FAM110B: variants seen among roughly 807,000 people sequenced by gnomAD.
The protein encoded by FAM110B is family with sequence similarity 110 member B.
In FAM110B, 6 loss-of-function variants were observed where a neutral mutation model predicts 20.4. That is an observed-to-expected ratio of 0.29 (90% CI 0.16 to 0.58). The LOEUF (loss-of-function observed/expected upper bound fraction) is 0.58, where lower values mean the gene tolerates loss of function less well. FAM110B is among the 20% of genes least tolerant of loss of function. The pLI is 0.90. For missense variants in FAM110B, 434 were observed against 498.2 expected, an observed-to-expected ratio of 0.87 and a Z score of 1.23; for synonymous variants, 226 against 214.1, an observed-to-expected ratio of 1.06 and a Z score of -0.49.
At chr8:58,135,682 C>T (rs180764927) in intron 3 of FAM110B, among the ~76,000 whole-genome samples, 4 of 152,238 alleles carry the variant, frequency 2.6e-5, no homozygotes, top group Admixed American at 6.5e-5. Context: ...ATGCAAAGTG[C>T]GGACCCTTAA....
chr8:58,064,795 A>G (rs1467064945), intron 2 of FAM110B, among the ~76,000 whole-genome samples: 2 of 152,228 alleles, frequency 1.3e-5, no homozygotes, highest in African/African-American at 4.8e-5. Context: ...GTAGTTTACA[A>G]AAGGTTACCA....
intron 3 of FAM110B, among the ~76,000 whole-genome samples, chr8:58,129,444 T>C (rs1222725354): frequency 6.6e-6 from 1 of 152,340 alleles, no homozygotes. Context: ...CACCTCTCGA[T>C]AACATTAGAA....
intron 3 of FAM110B, among the ~76,000 whole-genome samples, chr8:58,088,690 G>C (rs369928743): frequency 6.6e-6 from 1 of 152,154 alleles, no homozygotes; most frequent in Non-Finnish European, 1.5e-5. Context: ...TTCATCTTGG[G>C]TTCAGCAGTG....
intron 1 of FAM110B, among the ~76,000 whole-genome samples, chr8:58,000,280 G>T (rs1045888718): frequency 6.6e-6 from 1 of 152,126 alleles, no homozygotes; most frequent in Non-Finnish European, 1.5e-5. Context: ...GAGTATAGGG[G>T]AAGCTGCCAG....
chr8:58,052,106 A>C (rs1349842067), intron 2 of FAM110B, among the ~76,000 whole-genome samples: 2 of 152,242 alleles, frequency 1.3e-5, no homozygotes, highest in Non-Finnish European at 1.5e-5. Context: ...ATAAAAAATC[A>C]AAACATGGGA....
chr8:58,114,103 A>G (rs1225451272), intron 3 of FAM110B, among the ~76,000 whole-genome samples: 1 of 152,150 alleles, frequency 6.6e-6, no homozygotes, highest in Non-Finnish European at 1.5e-5. Context: ...AAGAGAAAGA[A>G]CAATCACTCA....
chr8:58,132,212 T>C (rs1249935357), intron 3 of FAM110B, among the ~76,000 whole-genome samples: 4 of 152,110 alleles, frequency 2.6e-5, no homozygotes, highest in Non-Finnish European at 5.9e-5. Flanking sequence ...AGTTTTCACA[T>C]CATCTTCCTG....
At chr8:58,042,322 C>T (rs1167365824) in intron 2 of FAM110B, among the ~76,000 whole-genome samples, 2 of 152,236 alleles carry the variant, frequency 1.3e-5, no homozygotes, top group African/African-American at 2.4e-5. Flanking sequence ...TCCTGATTTT[C>T]TGGCACAATC....
chr8:58,024,966 G>T (rs77188343), intron 1 of FAM110B, among the ~76,000 whole-genome samples: 3,016 of 152,242 alleles, frequency 0.02, 107 homozygotes, highest in African/African-American at 0.068. Flanking sequence ...AATGGTATTT[G>T]CCTGGGCTTA....
At chr8:58,123,992 G>A (rs1157795336) in intron 3 of FAM110B, among the ~76,000 whole-genome samples, 1 of 152,078 alleles carries the variant, frequency 6.6e-6, no homozygotes, top group Non-Finnish European at 1.5e-5. Flanking sequence ...GTAGGACAAA[G>A]GTCTTGTTAA....
At chr8:58,088,323 A>G (rs1806388088) in intron 3 of FAM110B, among the ~76,000 whole-genome samples, 1 of 152,178 alleles carries the variant, frequency 6.6e-6, no homozygotes, top group Admixed American at 6.5e-5. Flanking sequence ...AAATGTCTTC[A>G]TTATTTTACT....
At chr8:58,094,193 A>G (rs1169916279) in intron 3 of FAM110B, among the ~76,000 whole-genome samples, 1 of 152,194 alleles carries the variant, frequency 6.6e-6, no homozygotes, top group Non-Finnish European at 1.5e-5. Flanking sequence ...GTCATCTGCA[A>G]ACAGAGACAA....
intron 2 of FAM110B, among the ~76,000 whole-genome samples, chr8:58,063,824 G>A (rs1298791310): frequency 6.6e-6 from 1 of 152,040 alleles, no homozygotes; most frequent in African/African-American, 2.4e-5. Flanking sequence ...TTGTCAAATG[G>A]TAAGATTGTT....
intron 3 of FAM110B, among the ~76,000 whole-genome samples, chr8:58,086,140 C>T (rs1008405322): frequency 2.0e-5 from 3 of 152,174 alleles, no homozygotes; most frequent in African/African-American, 7.2e-5. Context: ...ATAACCGAAT[C>T]TGCAGCTCTT....
At chr8:58,073,565 G>A (rs983503747) in intron 2 of FAM110B, among the ~76,000 whole-genome samples, 16 of 152,142 alleles carry the variant, frequency 1.1e-4, no homozygotes, top group Non-Finnish European at 1.5e-4. Context: ...ATGGAAATAT[G>A]TTAATAGATT....
At chr8:58,039,277 T>C (rs954979457) in intron 2 of FAM110B, among the ~76,000 whole-genome samples, 2 of 152,138 alleles carry the variant, frequency 1.3e-5, no homozygotes, top group African/African-American at 4.8e-5. Flanking sequence ...AGATCAGCCT[T>C]AATTTGACTG....
intron 2 of FAM110B, among the ~76,000 whole-genome samples, chr8:58,044,573 T>C (rs1472425651): frequency 6.6e-6 from 1 of 152,240 alleles, no homozygotes; most frequent in Admixed American, 6.5e-5. Context: ...ACTAAGTACC[T>C]GCACTCATTT....
At chr8:58,072,820 GAA>G in intron 2 of FAM110B, among the ~76,000 whole-genome samples, 1 of 152,326 alleles carries the variant, frequency 6.6e-6, no homozygotes, top group East Asian at 1.9e-4. Context: ...TTTAAAAACT[GAA>G]GTCATTCCAT....
In FAM110B at chr8:58,147,165, G is replaced by C. The variant is rs1487355226; in HGVS notation, c.935G>C (p.Ser312Thr). The change falls in exon 4 of 4, where the codon AGC becomes ACC. Residue 312 changes from serine to threonine, a missense_variant. Physicochemically the swap from Ser to Thr is moderately conservative, Grantham distance 58 (BLOSUM62 1). Coordinates refer to ENST00000519262, the MANE Select transcript of FAM110B (RefSeq NM_001377989.1). ...ATATCCCTCAACTTCCGCAGCGCAA[G>C]CATGATCAGCTCAGACTGTGAACAG... ...DIISLNFRSA[S>T]MISSDCEQSQ... 6.2e-7 allele frequency: 1 copy of C among 1,614,056 alleles called. No homozygotes were observed. Among genetic ancestry groups the C allele is most frequent in the Non-Finnish European group, 8.5e-7 (1 of 1,180,054 alleles).
Sources: allele counts gnomAD v4.1 joint callset (sites outside exome capture counted in the v4.1 genomes callset), GRCh38; gene constraint gnomAD v4.1.1; transcripts MANE v1.5; gene names NCBI Gene and HGNC (gene_info 2026-07-23, HGNC 2026-07-21).